DENND3: variants seen among roughly 807,000 people sequenced by gnomAD.
DENND3 encodes the protein DENN domain containing 3.
A neutral mutation model predicts 135.1 loss-of-function variants in DENND3; 88 were observed. The ratio of observed to expected loss-of-function variants is 0.65; its 90% CI spans 0.55 to 0.78. The LOEUF is 0.78. Among genes scored for constraint, DENND3 ranks in the 30% least tolerant of loss-of-function variants. The probability of loss-of-function intolerance (pLI) is 0.00; values close to 1 mark genes in which losing one functional copy is unlikely to be tolerated. For synonymous variants in DENND3, 693 were observed against 712.3 expected, an observed-to-expected ratio of 0.97 and a Z score of 0.43; for missense variants, 1,392 against 1,688.4, an observed-to-expected ratio of 0.82 and a Z score of 3.08.
At chr8:141,159,402 T>G (rs1819854763) in intron 8 of DENND3, among the ~76,000 whole-genome samples, 1 of 152,106 alleles carries the variant, frequency 6.6e-6, no homozygotes, top group Non-Finnish European at 1.5e-5. Context: ...GTCCATCAAG[T>G]CCCCCGTCTG....
Position 141,141,396 on chromosome 8 carries a change from C to T in DENND3, c.623+72C>T. On this transcript the variant is annotated intron_variant, in intron 4 of 22. Coordinates refer to ENST00000519811, the MANE Select transcript of DENND3 (RefSeq NM_001352890.3). This position sits in a 1 kb window ranked among gnomAD's most constrained non-coding sequence, Gnocchi z 5.3. Reference sequence around the variant, plus strand: ...GTGCCTCTCCAGGTGAGCCAAGGGACCAGGGGGCTGGAGGTGGTGGGGGGG... The same window carrying T: ...GTGCCTCTCCAGGTGAGCCAAGGGATCAGGGGGCTGGAGGTGGTGGGGGGG... 1 of 1,513,054 alleles carries T rather than the reference C, an allele frequency of 6.6e-7. No individual in the cohort carries two copies. The highest frequency in any genetic ancestry group is 1.3e-5 in the South Asian group (1 of 79,794). The allele number at this position is 1,513,054 out of a possible 1,614,324, so 93.7% of individuals were successfully genotyped here.
intron 1 of DENND3, among the ~76,000 whole-genome samples, chr8:141,131,334 A>G (rs927077763): frequency 2.6e-5 from 4 of 152,216 alleles, no homozygotes; most frequent in African/African-American, 9.6e-5. Flanking sequence ...ACACAGGAGT[A>G]GAAAGTGTTC....
At chr8:141,136,918 C>T (rs1816856873) in intron 2 of DENND3, 127 bp downstream of exon 2, 3 of 824,846 alleles carry the variant, frequency 3.6e-6, no homozygotes, top group Admixed American at 8.3e-5. Flanking sequence ...CTCACTGCCT[C>T]CTCTTGTGGG....
intron 8 of DENND3, among the ~76,000 whole-genome samples, chr8:141,156,981 A>G (rs778932314): frequency 2.8e-4 from 42 of 151,656 alleles, no homozygotes; most frequent in South Asian, 8.4e-4. Context: ...GATGGGTTTC[A>G]CTATGTTGGC....
At chr8:141,188,779 T>A in intron 18 of DENND3, 1 of 590,424 alleles carries the variant, frequency 1.7e-6, no homozygotes, top group Admixed American at 3.6e-5. Context: ...AAGGTGTCTG[T>A]GAACAGAGCA....
In DENND3 at chr8:141,134,905, A is replaced by G. The variant is rs1435016379; in HGVS notation, c.103-1604A>G. Among the ~76,000 whole-genome samples the G allele has an allele frequency of 2.0e-5, 3 of 149,826 alleles. No homozygotes were observed. The East Asian group carries it at 5.9e-4, about 30-fold the overall frequency. On this transcript the variant is annotated intron_variant, in intron 1 of 22. Transcript: ENST00000519811. ...GACTGCAGTGGTGAGATCTCGGCTCACTGCAAGCTCCGCCTCCTGGGTTCA... is the reference window on the plus strand; with the variant it reads ...GACTGCAGTGGTGAGATCTCGGCTCGCTGCAAGCTCCGCCTCCTGGGTTCA...
chr8:141,186,318 C>T (rs915833232), intron 18 of DENND3, among the ~76,000 whole-genome samples: 3 of 152,126 alleles, frequency 2.0e-5, no homozygotes, highest in Admixed American at 1.3e-4. Flanking sequence ...GCAGTGACTT[C>T]AGTGTTATCC....
In DENND3 at chr8:141,187,810, T is replaced by C. The variant is rs541734381; in HGVS notation, c.3085-1176T>C. 7.9e-4 allele frequency among the ~76,000 whole-genome samples: 120 copies of C among 152,390 alleles called. 2 individuals carry two copies. In the South Asian group the frequency reaches 0.024, roughly 31 times the overall value. On this transcript the variant is annotated intron_variant, in intron 18 of 22. Coordinates refer to ENST00000519811, the MANE Select transcript of DENND3 (RefSeq NM_001352890.3). ...AAAAATATTGACAAAAGTCTAGTAA[T>C]GCTTTAAACCAAACAACAAAAAAAG... is the stretch of plus-strand genomic sequence containing the variant.
At chr8:141,163,205 A>C in intron 9 of DENND3, 128 bp from the exon 10 acceptor site, 1 of 550,284 alleles carries the variant, frequency 1.8e-6, no homozygotes, top group Non-Finnish European at 3.3e-6. Context: ...GTAATCAAGA[A>C]TCTTTCTGAA....
intron 16 of DENND3, among the ~76,000 whole-genome samples, chr8:141,178,766 C>T (rs1391535932): frequency 1.3e-5 from 2 of 152,246 alleles, no homozygotes; most frequent in African/African-American, 4.8e-5. Flanking sequence ...TGTAGATTTG[C>T]ATCTGGCTCT....
chr8:141,167,487 T>C lies in DENND3; in HGVS notation c.1754-517T>C, dbSNP rs1255636089. On this transcript the variant is annotated intron_variant, in intron 12 of 22. Transcript: ENST00000519811. This position sits in a 1 kb window ranked among gnomAD's most constrained non-coding sequence, Gnocchi z 4.1. The stretch of plus-strand genomic sequence containing the variant: ...CTTAGGTAACATCTATAGAAGGAGT[T>C]GGTGTGAGACACACACCTGGTTGAA... Among the ~76,000 whole-genome samples, 1 of 152,190 alleles carries C rather than the reference T, an allele frequency of 6.6e-6. No homozygotes were observed. Among genetic ancestry groups the C allele is most frequent in the Admixed American group, 6.5e-5 (1 of 15,288 alleles).
intron 8 of DENND3, chr8:141,157,757 C>CTGT: frequency 1.0e-6 from 1 of 980,910 alleles, no homozygotes; most frequent in African/African-American, 1.8e-5. Context: ...GGAAAACTAC[C>CTGT]TCTTTTTTTT....
In DENND3 at chr8:141,144,291, C is replaced by A; in HGVS notation, c.735+32C>A. Reference sequence around the variant, plus strand: ...TATATCTGAAATTATATTGTTTTTTCTTTGCAAATAGTAAAAGTAAGATGT... The same window carrying A: ...TATATCTGAAATTATATTGTTTTTTATTTGCAAATAGTAAAAGTAAGATGT... On this transcript the variant is annotated intron_variant, in intron 5 of 22. Transcript: ENST00000519811. The surrounding 1 kb of genome is among the most constrained non-coding windows in gnomAD (Gnocchi z 4.4). The A allele has an allele frequency of 6.4e-7, 1 of 1,551,400 alleles. No individual in the cohort carries two copies. The highest frequency in any genetic ancestry group is 8.8e-7 in the Non-Finnish European group (1 of 1,138,460).
chr8:141,141,411 T>C lies in DENND3; in HGVS notation c.623+87T>C. On this transcript the variant is annotated intron_variant, in intron 4 of 22. Transcript: ENST00000519811. The surrounding 1 kb of genome is among the most constrained non-coding windows in gnomAD (Gnocchi z 5.3). ...AGCCAAGGGACCAGGGGGCTGGAGG[T>C]GGTGGGGGGGCAGCTCTCTGTTCCT... 1.7e-6 allele frequency: 1 copy of C among 586,620 alleles called. No homozygotes were observed. The highest frequency in any genetic ancestry group is 2.3e-6 in the Non-Finnish European group (1 of 431,510). 36.3% of individuals were successfully genotyped at this position (586,620 alleles called of 1,614,324 possible).
intron 7 of DENND3, among the ~76,000 whole-genome samples, chr8:141,153,810 G>C (rs1309549377): frequency 6.6e-6 from 1 of 152,230 alleles, no homozygotes; most frequent in African/African-American, 2.4e-5. Context: ...TGTGTTTCAG[G>C]CTCTTTTAGG....
intron 18 of DENND3, 110 bp from the exon 19 acceptor site, chr8:141,188,876 G>A (rs1824292656): frequency 2.8e-6 from 4 of 1,416,874 alleles, no homozygotes; most frequent in Admixed American, 2.6e-5. Context: ...TGTCCCCTAG[G>A]AGCAGTGGTT....
Position 141,168,419 on chromosome 8 carries a change from G to C in DENND3, c.2169G>C (p.Leu723=). 2.5e-6 allele frequency: 4 copies of C among 1,613,890 alleles called. No individual in the cohort carries two copies. In the South Asian group the frequency reaches 4.4e-5, roughly 18 times the overall value. ...KLDDHVKKFK[L]PKKHMQLGDF... is the part of the protein sequence containing the mutation. ...ACGACCACGTGAAGAAGTTCAAGCT[G>C]CCCAAGAAGCACATGCAGCTGGGCG... The change falls in exon 13 of 23, where the codon CTG becomes CTC. Residue 723 remains leucine (L), a synonymous_variant. Coordinates refer to ENST00000519811, the MANE Select transcript of DENND3 (RefSeq NM_001352890.3). This position sits in a 1 kb window ranked among gnomAD's most constrained non-coding sequence, Gnocchi z 6.2.
In DENND3 at chr8:141,194,416, G is replaced by A. The variant is rs1467137176; in HGVS notation, c.*183G>A. On this transcript the variant is annotated 3_prime_UTR_variant, in exon 23 of 23. Transcript: ENST00000519811. ...GCCACGCACCTTCTCTCAGGCCTTCGGGCCCCCTGGTTAAACTGCACCAAG... is the reference window on the plus strand; with the variant it reads ...GCCACGCACCTTCTCTCAGGCCTTCAGGCCCCCTGGTTAAACTGCACCAAG... 14 of 666,640 alleles carry A rather than the reference G, an allele frequency of 2.1e-5. No individual in the cohort carries two copies. Among genetic ancestry groups the A allele is most frequent in the Non-Finnish European group, 2.8e-5 (11 of 397,000 alleles). The allele number at this position is 666,640 out of a possible 1,614,324, so 41.3% of individuals were successfully genotyped here. A position where few individuals can be genotyped will look rare whatever the true frequency, so the allele number is the denominator to read the frequency against.
rs1240425095 is a variant in DENND3, at chr8:141,182,598, G to T, written c.2944+1744G>T. The T allele has an allele frequency of 1.7e-5, 11 of 643,078 alleles. No homozygotes were observed. The South Asian group carries it at 5.5e-4, about 32-fold the overall frequency. 39.8% of individuals were successfully genotyped at this position (643,078 alleles called of 1,614,324 possible). A position where few individuals can be genotyped will look rare whatever the true frequency, so the allele number is the denominator to read the frequency against. On this transcript the variant is annotated intron_variant, in intron 17 of 22. Transcript: ENST00000519811. The surrounding 1 kb of genome is among the most constrained non-coding windows in gnomAD (Gnocchi z 5.9). ...CCCTCCAGGAGCATCTCGAAGGCCT[G>T]CAGAGAGCGTGCAAAGCAGCCGTGG...
Sources: gnomAD v4.1 joint callset for allele counts (sites outside exome capture counted in the v4.1 genomes callset) on GRCh38, gnomAD v4.1.1 for gene constraint, Gnocchi (gnomAD v3.1) non-coding constraint, MANE v1.5 for transcripts, NCBI Gene and HGNC (gene_info 2026-07-23, HGNC 2026-07-21) for gene names.